The following MARCHF1 variants were observed in gnomAD, a reference collection of about 807,000 sequenced individuals.
MARCHF1 encodes membrane associated ring-CH-type finger 1, also known as E3 ubiquitin-protein ligase MARCHF1.
A neutral mutation model predicts 54.2 loss-of-function variants in MARCHF1; 40 were observed. The observed-to-expected ratio is 0.74, with a 90% CI of 0.57 to 0.96. MARCHF1 has a LOEUF of 0.96. Among genes scored for constraint, MARCHF1 ranks in the 40% least tolerant of loss-of-function variants. MARCHF1 has a pLI of 0.00. For synonymous variants in MARCHF1, 236 were observed against 236.3 expected (o/e 1.00, Z 0.01); for missense variants, 586 against 656.5 (o/e 0.89, Z 1.17).
intron 1 of MARCHF1, among the ~76,000 whole-genome samples, chr4:164,206,906 A>G (rs1343014706): frequency 6.6e-6 from 1 of 152,116 alleles, no homozygotes; most frequent in Admixed American, 6.5e-5. Context: ...ACCAAGTTTT[A>G]AATTATAATT....
rs1278802469 is a variant in MARCHF1 at position 163,628,083 on chromosome 4, G to C, written c.163-14690C>G. The stretch of plus-strand genomic sequence containing the variant: ...GATAAAATAAACTGTTGATAAATTA[G>C]ACAATATAAAAATTAAAAAAATTGT... On this transcript the variant is annotated intron_variant, in intron 5 of 9. Coordinates refer to ENST00000514618, the MANE Select transcript of MARCHF1 (RefSeq NM_001394959.1). Among the ~76,000 whole-genome samples, 3 of 151,886 alleles carry C rather than the reference G, an allele frequency of 2.0e-5. No individual in the cohort carries two copies. The East Asian group carries it at 5.8e-4, about 29-fold the overall frequency.
intron 3 of MARCHF1, among the ~76,000 whole-genome samples, chr4:163,987,087 G>C (rs1752884072): frequency 6.6e-6 from 1 of 152,116 alleles, no homozygotes; most frequent in Admixed American, 6.5e-5. Context: ...GAATTGATCA[G>C]TGTACCCCAC....
At chr4:164,114,829 T>G (rs566394613) in intron 1 of MARCHF1, among the ~76,000 whole-genome samples, 2 of 149,842 alleles carry the variant, frequency 1.3e-5, no homozygotes, top group African/African-American at 2.4e-5. Flanking sequence ...AGGAAAACAC[T>G]TCAGAGCTAT....
At chr4:164,189,860 G>T (rs1463134474) in intron 1 of MARCHF1, 7 of 1,592,700 alleles carry the variant, frequency 4.4e-6, no homozygotes, top group Non-Finnish European at 6.0e-6. Flanking sequence ...GGGTCCCACA[G>T]ATTGAAGTCA....
At chr4:163,908,366 G>C (rs1203448449) in intron 3 of MARCHF1, among the ~76,000 whole-genome samples, 1 of 151,716 alleles carries the variant, frequency 6.6e-6, no homozygotes, top group Non-Finnish European at 1.5e-5. Context: ...GAGAGAGAGA[G>C]GAGAAAAAGA....
intron 1 of MARCHF1, among the ~76,000 whole-genome samples, chr4:164,225,612 T>C (rs1457191404): frequency 1.3e-5 from 2 of 152,052 alleles, no homozygotes; most frequent in Non-Finnish European, 2.9e-5. Context: ...TTTTGTGAGT[T>C]ATTCACATTC....
chr4:164,003,226 A>G (rs376112434), intron 2 of MARCHF1, among the ~76,000 whole-genome samples: 1 of 151,994 alleles, frequency 6.6e-6, no homozygotes, highest in East Asian at 1.9e-4. Flanking sequence ...CAAAGATGGC[A>G]ATACAATTAA....
chr4:163,693,215 T>A (rs1744518471), intron 5 of MARCHF1, among the ~76,000 whole-genome samples: 1 of 151,416 alleles, frequency 6.6e-6, no homozygotes, highest in Non-Finnish European at 1.5e-5. Context: ...CGAACGTATC[T>A]TCAGGAGCTG....
chr4:163,584,535 G>A lies in MARCHF1; in HGVS notation c.1191+1214C>T, dbSNP rs182711368. ...CACCTCTGGGCCCTAGAAAAACAGG[G>A]TTACCCTGCAGCACTCAGGTTACCC... On this transcript the variant is annotated intron_variant, in intron 8 of 9. Transcript: ENST00000514618. 3 of 152,150 alleles carry A rather than the reference G, an allele frequency of 2.0e-5. No homozygotes were observed. In the East Asian group the frequency reaches 5.8e-4, roughly 29 times the overall value. The allele number at this position is 152,150 out of a possible 1,614,324, so 9.4% of individuals were successfully genotyped here.
chr4:164,130,742 G>C (rs979231654), intron 1 of MARCHF1, among the ~76,000 whole-genome samples: 2 of 152,130 alleles, frequency 1.3e-5, no homozygotes. Flanking sequence ...CACACCTTGT[G>C]AACAGATCCC....
chr4:163,828,052 C>CAGAGAG (rs1234200500), intron 4 of MARCHF1, among the ~76,000 whole-genome samples: 2 of 108,432 alleles, frequency 1.8e-5, no homozygotes, highest in Non-Finnish European at 4.2e-5. Context: ...CACACACACA[C>CAGAGAG]ACAGACACAC....
chr4:163,607,095 G>A lies in MARCHF1; in HGVS notation c.1010+5176C>T, dbSNP rs143478686. Among the ~76,000 whole-genome samples, 5 of 152,218 alleles carry A rather than the reference G, an allele frequency of 3.3e-5. No individual in the cohort carries two copies. The East Asian group carries it at 7.7e-4, about 24-fold the overall frequency. On this transcript the variant is annotated intron_variant, in intron 7 of 9. Coordinates refer to ENST00000514618, the MANE Select transcript of MARCHF1 (RefSeq NM_001394959.1). ...GACTCCTCACAGAGAAGGAGAGAGAGAGTGAGAGAACCACATTGTTTCTGG... is the reference window on the plus strand; with the variant it reads ...GACTCCTCACAGAGAAGGAGAGAGAAAGTGAGAGAACCACATTGTTTCTGG...
At chr4:164,041,073 C>T (rs1373275984) in intron 2 of MARCHF1, among the ~76,000 whole-genome samples, 1 of 152,032 alleles carries the variant, frequency 6.6e-6, no homozygotes, top group African/African-American at 2.4e-5. Context: ...TTAATGGAAT[C>T]ATAATATAAC....
chr4:163,555,010 A>G (rs1299026899), intron 8 of MARCHF1, among the ~76,000 whole-genome samples: 6 of 152,210 alleles, frequency 3.9e-5, no homozygotes, highest in East Asian at 3.8e-4. Context: ...TTTAAGCAAG[A>G]TATTTGTAAT....
chr4:163,786,219 G>A (rs193188293), intron 4 of MARCHF1, among the ~76,000 whole-genome samples: 67 of 151,946 alleles, frequency 4.4e-4, no homozygotes, highest in African/African-American at 1.5e-3. Context: ...AGCACCAAGA[G>A]GAAATTAATG....
chr4:164,290,760 G>T (rs533313897), intron 1 of MARCHF1, among the ~76,000 whole-genome samples: 4 of 151,800 alleles, frequency 2.6e-5, no homozygotes, highest in Non-Finnish European at 4.4e-5. Context: ...TGAAAGATAA[G>T]AATTTATTTT....
intron 2 of MARCHF1, among the ~76,000 whole-genome samples, chr4:164,050,969 C>T (rs941909099): frequency 1.1e-4 from 16 of 152,012 alleles, no homozygotes; most frequent in African/African-American, 2.7e-4. Flanking sequence ...TAATAATATC[C>T]GTGAGATCAC....
intron 3 of MARCHF1, among the ~76,000 whole-genome samples, chr4:163,855,592 A>G (rs1749748927): frequency 6.6e-6 from 1 of 152,222 alleles, no homozygotes. Context: ...GAAATGATAC[A>G]TAATGACCAA....
chr4:163,836,493 C>G (rs1254363931), intron 4 of MARCHF1, among the ~76,000 whole-genome samples: 1 of 41,934 alleles, frequency 2.4e-5, no homozygotes, highest in Non-Finnish European at 8.4e-5. Context: ...GATCCGCCTG[C>G]CTCGGCCTCC....
Sources: gnomAD v4.1 joint callset for allele counts (sites outside exome capture counted in the v4.1 genomes callset) on GRCh38, gnomAD v4.1.1 for gene constraint, MANE v1.5 for transcripts, NCBI Gene and HGNC (gene_info 2026-07-23, HGNC 2026-07-21) for gene names.